FMN1: variants seen among roughly 807,000 people sequenced by gnomAD.
The protein encoded by FMN1 is formin-1.
In FMN1, 110 loss-of-function variants were observed where a neutral mutation model predicts 132.4. The ratio of observed to expected loss-of-function variants is 0.83; its 90% CI spans 0.71 to 0.97. The LOEUF (loss-of-function observed/expected upper bound fraction) is 0.97, where lower values mean the gene tolerates loss of function less well. FMN1 is among the 50% of genes least tolerant of loss of function. FMN1 has a pLI of 0.00. For missense variants in FMN1, 1,792 were observed against 1,705.3 expected (o/e 1.05, Z -0.90); for synonymous variants, 722 against 651.7 (o/e 1.11, Z -1.64).
At chr15:33,182,456 C>T (rs1485504395) in intron 2 of FMN1, among the ~76,000 whole-genome samples, 1 of 152,218 alleles carries the variant, frequency 6.6e-6, no homozygotes, top group East Asian at 1.9e-4. Context: ...TCAACCTGCC[C>T]TATCACCTCA....
At chr15:32,925,137 A>C (rs2060927169) in intron 10 of FMN1, among the ~76,000 whole-genome samples, 1 of 152,202 alleles carries the variant, frequency 6.6e-6, no homozygotes, top group South Asian at 2.1e-4. Flanking sequence ...AATAGAAATA[A>C]CAACATTTTG....
intron 9 of FMN1, among the ~76,000 whole-genome samples, chr15:32,961,284 C>G (rs961907062): frequency 3.3e-5 from 5 of 151,878 alleles, no homozygotes; most frequent in Non-Finnish European, 5.9e-5. Flanking sequence ...CAGGCGCCCG[C>G]CACCACACCT....
chr15:32,887,656 G>C (rs2059927605), intron 16 of FMN1, among the ~76,000 whole-genome samples: 1 of 152,128 alleles, frequency 6.6e-6, no homozygotes, highest in East Asian at 1.9e-4. Flanking sequence ...TAAAGCAGCA[G>C]AGTAAACTAG....
chr15:33,017,478 AT>A lies in FMN1; in HGVS notation c.2162-9404del, dbSNP rs929506976. The stretch of plus-strand genomic sequence containing the variant: ...CCTAAAACTACTCTAAAAATAGTTG[AT>A]TTTTTTTTTCAAAAAAGAAGTGAAT... On this transcript the variant is annotated intron_variant, in intron 6 of 20. Coordinates refer to ENST00000616417, the MANE Select transcript of FMN1 (RefSeq NM_001277313.2). Among the ~76,000 whole-genome samples the A allele has an allele frequency of 6.3e-4, 95 of 150,628 alleles. 1 individual carries two copies. Among genetic ancestry groups the A allele is most frequent in the African/African-American group, 1.7e-3 (70 of 41,020 alleles).
intron 9 of FMN1, among the ~76,000 whole-genome samples, chr15:32,930,290 T>A (rs2061078540): frequency 6.6e-6 from 1 of 152,146 alleles, no homozygotes; most frequent in Non-Finnish European, 1.5e-5. Context: ...CCTGGTCTAT[T>A]TTTAAATTTT....
chr15:33,014,735 T>A (rs2034938863), intron 6 of FMN1, among the ~76,000 whole-genome samples: 1 of 152,210 alleles, frequency 6.6e-6, no homozygotes, highest in African/African-American at 2.4e-5. Flanking sequence ...TGCACAAACC[T>A]TCCTTTTTGA....
intron 17 of FMN1, among the ~76,000 whole-genome samples, chr15:32,848,977 GTTTTTTTTTTTT>G (rs71113479): frequency 6.7e-5 from 6 of 89,576 alleles, no homozygotes; most frequent in Admixed American, 3.3e-4. Flanking sequence ...GTTCTCTTTT[GTTTTTTTTTTTT>G]TTTTTTTTTT....
intron 19 of FMN1, among the ~76,000 whole-genome samples, chr15:32,784,762 A>AT (rs2056794433): frequency 6.6e-6 from 1 of 152,198 alleles, no homozygotes; most frequent in Non-Finnish European, 1.5e-5. Context: ...GACTGTGGAA[A>AT]TAAGTGGGGC....
chr15:32,771,823 A>C lies in FMN1; in HGVS notation c.*2487T>G, dbSNP rs973960817. On this transcript the variant is annotated 3_prime_UTR_variant, in exon 21 of 21. Coordinates refer to ENST00000616417, the MANE Select transcript of FMN1 (RefSeq NM_001277313.2). ...ATTTTCAAGGCCTCCAGATTATTTT[A>C]GATGAACTTCCTTGAACAAATTGTC... is the stretch of plus-strand genomic sequence containing the variant. 10 of 152,240 alleles carry C rather than the reference A, an allele frequency of 6.6e-5. No homozygotes were observed. The highest frequency in any genetic ancestry group is 2.2e-4 in the African/African-American group (9 of 41,466). 9.4% of individuals were successfully genotyped at this position (152,240 alleles called of 1,614,324 possible). A position where few individuals can be genotyped will look rare whatever the true frequency, so the allele number is the denominator to read the frequency against.
At chr15:32,978,163 A>G (rs1468078015) in intron 7 of FMN1, among the ~76,000 whole-genome samples, 1 of 152,056 alleles carries the variant, frequency 6.6e-6, no homozygotes, top group African/African-American at 2.4e-5. Context: ...CTATTCATTA[A>G]TTTTGAAAGG....
chr15:32,905,493 A>G (rs926502252), intron 12 of FMN1, among the ~76,000 whole-genome samples: 2 of 152,184 alleles, frequency 1.3e-5, no homozygotes, highest in Non-Finnish European at 2.9e-5. Flanking sequence ...CAAACCCAGT[A>G]GAGCCTCACC....
intron 9 of FMN1, among the ~76,000 whole-genome samples, chr15:32,958,673 C>CTCTTGA (rs1408631843): frequency 6.6e-6 from 1 of 152,184 alleles, no homozygotes; most frequent in Non-Finnish European, 1.5e-5. Context: ...GTTCCACAGA[C>CTCTTGA]TCTTGATCAT....
At chr15:32,812,683 G>C (rs2057922760) in intron 17 of FMN1, among the ~76,000 whole-genome samples, 1 of 152,196 alleles carries the variant, frequency 6.6e-6, no homozygotes, top group East Asian at 1.9e-4. Context: ...AGATTTTGGA[G>C]CATTTTGCAT....
At chr15:33,012,680 C>G in intron 6 of FMN1, 1 of 822,922 alleles carries the variant, frequency 1.2e-6, no homozygotes, top group Non-Finnish European at 2.1e-6. Context: ...ATGGCTAGTG[C>G]TTCATCCAGC....
rs1391080541 is a variant in FMN1, at chr15:32,888,263, G to A, written c.3744C>T (p.Pro1248=). 11 of 1,612,698 alleles carry A rather than the reference G, an allele frequency of 6.8e-6. No individual in the cohort carries two copies. Among genetic ancestry groups the A allele is most frequent in the East Asian group, 6.7e-5 (3 of 44,860 alleles). The change falls in exon 16 of 21, where the codon CCC becomes CCT. Residue 1248 remains proline, a synonymous_variant. Coordinates refer to ENST00000616417, the MANE Select transcript of FMN1 (RefSeq NM_001277313.2). ...QEAGTEKSVF[P]LPEPQDFFLA... The stretch of plus-strand genomic sequence containing the variant: ...GAAAGAAATCCTGTGGTTCCGGCAA[G>A]GGGAAAACACTCTTTTCTGTTCCAG...
chr15:33,144,479 T>C (rs141012175), intron 4 of FMN1, among the ~76,000 whole-genome samples: 2,302 of 151,276 alleles, frequency 0.015, 70 homozygotes, highest in African/African-American at 0.053. Flanking sequence ...CCAGTAAAAA[T>C]ACAAAAAATT....
At chr15:33,033,658 G>A (rs575249444) in intron 6 of FMN1, among the ~76,000 whole-genome samples, 1 of 100,344 alleles carries the variant, frequency 1.0e-5, no homozygotes, top group South Asian at 3.4e-4. Flanking sequence ...TGTCCCACCA[G>A]CTACCTCATG....
At chr15:33,111,266 C>A (rs1287209124) in intron 4 of FMN1, among the ~76,000 whole-genome samples, 1 of 152,056 alleles carries the variant, frequency 6.6e-6, no homozygotes, top group Admixed American at 6.6e-5. Flanking sequence ...AAATGCAAAT[C>A]GAAACCTCAG....
intron 6 of FMN1, among the ~76,000 whole-genome samples, chr15:33,052,889 T>C (rs1474794487): frequency 1.3e-5 from 2 of 152,122 alleles, no homozygotes; most frequent in Non-Finnish European, 2.9e-5. Flanking sequence ...TTAACCTTTT[T>C]TGCATATTCA....
Sources: allele counts gnomAD v4.1 joint callset (sites outside exome capture counted in the v4.1 genomes callset), GRCh38; gene constraint gnomAD v4.1.1; transcripts MANE v1.5; gene names NCBI Gene and HGNC (gene_info 2026-07-23, HGNC 2026-07-21).